The following CSMD1 variants were observed in gnomAD, a reference collection of about 807,000 sequenced individuals.
CSMD1 encodes CUB and sushi domain-containing protein 1.
In CSMD1, 213 loss-of-function variants were observed where a neutral mutation model predicts 417.5. That is an observed-to-expected ratio of 0.51 (90% CI 0.46 to 0.57). The LOEUF (loss-of-function observed/expected upper bound fraction) is 0.57, where lower values mean the gene tolerates loss of function less well. Ranked by LOEUF, CSMD1 falls within the 20% of genes least tolerant of loss-of-function variation. CSMD1 has a pLI of 0.00. For missense variants in CSMD1, 6,923 were observed against 4,529.7 expected, an observed-to-expected ratio of 1.53 and a Z score of -15.17; for synonymous variants, 2,862 against 1,736.8, an observed-to-expected ratio of 1.65 and a Z score of -16.11.
At chr8:4,642,076 G>C (rs992414518) in intron 1 of CSMD1, among the ~76,000 whole-genome samples, 4 of 152,156 alleles carry the variant, frequency 2.6e-5, no homozygotes, top group South Asian at 2.1e-4. Context: ...CCTTGCTTTG[G>C]AGGTGACCTG....
chr8:4,317,924 G>C (rs1014340266), intron 3 of CSMD1, among the ~76,000 whole-genome samples: 1 of 152,122 alleles, frequency 6.6e-6, no homozygotes, highest in African/African-American at 2.4e-5. Flanking sequence ...AAAATGTCAA[G>C]AATGATGTAA....
chr8:4,431,453 C>G (rs549868165), intron 2 of CSMD1, among the ~76,000 whole-genome samples: 3 of 152,114 alleles, frequency 2.0e-5, no homozygotes, highest in Admixed American at 2.0e-4. Flanking sequence ...AGCACACAGT[C>G]AGGAGAGGAG....
chr8:4,067,169 C>G (rs903792715), intron 3 of CSMD1, among the ~76,000 whole-genome samples: 10 of 152,226 alleles, frequency 6.6e-5, no homozygotes, highest in Middle Eastern at 3.2e-3. Flanking sequence ...ATGAAAGATA[C>G]TGGGTGAAAG....
intron 2 of CSMD1, among the ~76,000 whole-genome samples, chr8:4,458,898 G>C (rs955493263): frequency 6.6e-6 from 1 of 152,178 alleles, no homozygotes; most frequent in African/African-American, 2.4e-5. Flanking sequence ...ACAATGGGTG[G>C]AGAATGTATT....
intron 55 of CSMD1, among the ~76,000 whole-genome samples, chr8:2,978,199 G>A (rs1391084136): frequency 6.6e-6 from 1 of 152,188 alleles, no homozygotes. Context: ...TCAACAGACA[G>A]AAACTCCACA....
rs73657902 is a variant in CSMD1, at chr8:3,430,363, T to C, written c.1562-20758A>G. On this transcript the variant is annotated intron_variant, in intron 12 of 69. Coordinates refer to ENST00000635120, the MANE Select transcript of CSMD1 (RefSeq NM_033225.6). ...GTTGTATAGATTTTAAACTAGATTA[T>C]AAACACCATGAGAGTGGAAGCTGTA... 9.7e-3 allele frequency among the ~76,000 whole-genome samples: 1,477 copies of C among 152,320 alleles called. 25 individuals carry two copies. The highest frequency in any genetic ancestry group is 0.033 in the African/African-American group (1,365 of 41,568).
At chr8:4,393,671 C>T (rs1208612708) in intron 3 of CSMD1, among the ~76,000 whole-genome samples, 2 of 152,200 alleles carry the variant, frequency 1.3e-5, no homozygotes, top group African/African-American at 4.8e-5. Flanking sequence ...CACCTTCACA[C>T]TCCTATACTA....
intron 1 of CSMD1, among the ~76,000 whole-genome samples, chr8:4,744,537 T>C (rs1193711370): frequency 1.3e-5 from 2 of 152,336 alleles, no homozygotes; most frequent in South Asian, 2.1e-4. Context: ...TACCTGTCTA[T>C]ATTTAGAGTA....
chr8:3,092,668 T>A (rs7007301), intron 47 of CSMD1, among the ~76,000 whole-genome samples: 1 of 152,182 alleles, frequency 6.6e-6, no homozygotes, highest in East Asian at 1.9e-4. Flanking sequence ...AAAGTTAACA[T>A]TGAAAGTATA....
chr8:3,259,495 C>T (rs1284481828), intron 26 of CSMD1, among the ~76,000 whole-genome samples: 1 of 152,194 alleles, frequency 6.6e-6, no homozygotes, highest in Non-Finnish European at 1.5e-5. Flanking sequence ...TTGAAATTTT[C>T]AGTCTGATAT....
chr8:4,129,801 C>G (rs1365024846), intron 3 of CSMD1, among the ~76,000 whole-genome samples: 1 of 152,048 alleles, frequency 6.6e-6, no homozygotes, highest in Non-Finnish European at 1.5e-5. Context: ...TTTGTTACTC[C>G]AACTTTATTT....
intron 52 of CSMD1, among the ~76,000 whole-genome samples, chr8:3,011,478 T>C (rs1192279151): frequency 6.6e-6 from 1 of 152,240 alleles, no homozygotes; most frequent in Non-Finnish European, 1.5e-5. Context: ...CTAAGAACTA[T>C]GAATAACTAC....
intron 3 of CSMD1, among the ~76,000 whole-genome samples, chr8:4,210,834 G>A (rs551008847): frequency 1.3e-5 from 2 of 152,108 alleles, no homozygotes; most frequent in East Asian, 1.9e-4. Flanking sequence ...AAAGAATCAT[G>A]TATCTCGGGA....
intron 22 of CSMD1, among the ~76,000 whole-genome samples, chr8:3,344,771 C>G (rs1231045515): frequency 4.6e-5 from 7 of 152,018 alleles, no homozygotes; most frequent in Non-Finnish European, 7.4e-5. Flanking sequence ...CAGGGATGTA[C>G]ACAGATATAG....
intron 46 of CSMD1, among the ~76,000 whole-genome samples, chr8:3,100,357 C>T (rs560507844): frequency 2.0e-5 from 3 of 152,198 alleles, no homozygotes; most frequent in South Asian, 2.1e-4. Flanking sequence ...TACCCATGAG[C>T]GAAAGTGATT....
chr8:3,398,720 T>C (rs370279963), intron 16 of CSMD1, among the ~76,000 whole-genome samples: 2 of 152,130 alleles, frequency 1.3e-5, no homozygotes, highest in South Asian at 2.1e-4. Flanking sequence ...GACAAAATCT[T>C]TTTAGTTTTT....
chr8:3,297,229 T>G (rs955768414), intron 25 of CSMD1, among the ~76,000 whole-genome samples: 1 of 152,170 alleles, frequency 6.6e-6, no homozygotes, highest in East Asian at 1.9e-4. Flanking sequence ...AGTTCAGTAT[T>G]ATAAAAGATG....
rs565768498 is a variant in CSMD1, at chr8:4,860,036, T to C, written c.85+134296A>G. Reference sequence around the variant, plus strand: ...AAATGTCCAACAATGATAGACTGGATTAAGAAAATGTGGCACGTATACACC... The same window carrying C: ...AAATGTCCAACAATGATAGACTGGACTAAGAAAATGTGGCACGTATACACC... On this transcript the variant is annotated intron_variant, in intron 1 of 69. Coordinates refer to ENST00000635120, the MANE Select transcript of CSMD1 (RefSeq NM_033225.6). Among the ~76,000 whole-genome samples, 686 of 151,782 alleles carry C rather than the reference T, an allele frequency of 4.5e-3. 4 individuals carry two copies. Among genetic ancestry groups the C allele is most frequent in the Admixed American group, 7.9e-3 (120 of 15,238 alleles).
chr8:4,973,164 T>C (rs908410937), intron 1 of CSMD1, among the ~76,000 whole-genome samples: 11 of 152,164 alleles, frequency 7.2e-5, no homozygotes, highest in African/African-American at 2.7e-4. Context: ...TTATCCAATA[T>C]CTTGCAGAAC....
Sources: allele counts gnomAD v4.1 joint callset (sites outside exome capture counted in the v4.1 genomes callset), GRCh38; gene constraint gnomAD v4.1.1; transcripts MANE v1.5; gene names NCBI Gene and HGNC (gene_info 2026-07-23, HGNC 2026-07-21).